The following PYGL variants were observed in gnomAD, a reference collection of about 807,000 sequenced individuals.
The protein encoded by PYGL is glycogen phosphorylase L.
A neutral mutation model predicts 100.1 loss-of-function variants in PYGL; 90 were observed. The observed-to-expected ratio is 0.90, with a 90% CI of 0.76 to 1.07. The LOEUF is 1.07. PYGL is among the 50% of genes least tolerant of loss of function. The pLI is 0.00. For synonymous variants in PYGL, 373 were observed against 393.0 expected (o/e 0.95, Z 0.60); for missense variants, 1,016 against 1,057.6 (o/e 0.96, Z 0.55).
chr14:50,925,348 G>A (rs760649823), intron 4 of PYGL, among the ~76,000 whole-genome samples: 1 of 152,288 alleles, frequency 6.6e-6, no homozygotes. Flanking sequence ...GTCATTATGT[G>A]GTGCATGACT....
intron 7 of PYGL, among the ~76,000 whole-genome samples, chr14:50,918,395 A>G (rs2050472647): frequency 6.6e-6 from 1 of 152,248 alleles, no homozygotes; most frequent in Admixed American, 6.5e-5. Flanking sequence ...ACACGTTTAT[A>G]GCAGCACAAT....
At chr14:50,935,360 T>C (rs2050645668) in intron 2 of PYGL, among the ~76,000 whole-genome samples, 175 bp from the exon 3 acceptor site, 1 of 152,178 alleles carries the variant, frequency 6.6e-6, no homozygotes, top group Non-Finnish European at 1.5e-5. Context: ...AGGCAAACTG[T>C]ATGAGATGGT....
At chr14:50,935,596 G>C (rs1030388831) in intron 2 of PYGL, among the ~76,000 whole-genome samples, 3 of 152,080 alleles carry the variant, frequency 2.0e-5, no homozygotes, top group African/African-American at 7.2e-5. Context: ...ATAAATGTTA[G>C]CTATTATCAT....
At chr14:50,917,242 A>G (rs1434381544) in intron 7 of PYGL, 137 bp from the exon 8 acceptor site, 10 of 954,754 alleles carry the variant, frequency 1.0e-5, no homozygotes, top group Non-Finnish European at 1.7e-5. Flanking sequence ...TGAATGCCAA[A>G]CTGTGAGCCT....
chr14:50,909,802 G>T, intron 17 of PYGL, 93 bp downstream of exon 17: 1 of 1,387,822 alleles, frequency 7.2e-7, no homozygotes, highest in Non-Finnish European at 1.0e-6. Flanking sequence ...CAATTTCAGT[G>T]GGATATCGGT....
At chr14:50,934,904 CTT>C (rs2050639700) in intron 3 of PYGL, among the ~76,000 whole-genome samples, 1 of 152,148 alleles carries the variant, frequency 6.6e-6, no homozygotes, top group Non-Finnish European at 1.5e-5. Flanking sequence ...AGCAGTGTCT[CTT>C]TTGTTCAAGT....
chr14:50,917,701 C>G (rs1049783330), intron 7 of PYGL, among the ~76,000 whole-genome samples: 8 of 152,222 alleles, frequency 5.3e-5, no homozygotes, highest in Admixed American at 4.6e-4. Context: ...CCCTACATGA[C>G]TGCGAGACAG....
chr14:50,916,713 T>C lies in PYGL; in HGVS notation c.1021A>G (p.Thr341Ala). 1 of 1,613,978 alleles carries C rather than the reference T, an allele frequency of 6.2e-7. No homozygotes were observed. Among genetic ancestry groups the C allele is most frequent in the Admixed American group, 1.7e-5 (1 of 60,012 alleles). Residue 341 changes from threonine (T) to alanine (A), a missense_variant, in exon 9 of 20, where the codon ACT (threonine) becomes GCT (alanine). Thr to Ala is a moderately conservative substitution (Grantham distance 58). Transcript: ENST00000216392. ...PDQVAIQLND[T>A]HPALAIPELM... is the part of the protein sequence containing the mutation. ...TCAGGGATCGCGAGTGCAGGGTGAG[T>C]GTCATTCAGCTGGATGGCCACCTGG...
Position 50,910,041 on chromosome 14 carries a change from T to C in PYGL, c.2031A>G (p.Thr677=). 1 of 1,614,242 alleles carries C rather than the reference T, an allele frequency of 6.2e-7. No homozygotes were observed. The highest frequency in any genetic ancestry group is 8.5e-7 in the Non-Finnish European group (1 of 1,180,022). Residue 677 remains threonine, a synonymous_variant, in exon 17 of 20, where the codon ACA becomes ACG. Coordinates refer to ENST00000216392, the MANE Select transcript of PYGL (RefSeq NM_002863.5). ...ISTAGTEASG[T]GNMKFMLNGA... is the part of the protein sequence containing the mutation. The stretch of plus-strand genomic sequence containing the variant: ...CATTTAGCATGAACTTCATATTGCC[T>C]GTCCCCGAGGCTTCGGTGCCTGCAG...
chr14:50,926,295 G>T (rs1227922764), intron 4 of PYGL, among the ~76,000 whole-genome samples: 1 of 152,030 alleles, frequency 6.6e-6, no homozygotes, highest in Non-Finnish European at 1.5e-5. Context: ...GGGCTACAGT[G>T]AGCTGTGATC....
At chr14:50,916,910 C>A (rs746275125) in intron 8 of PYGL, 52 bp downstream of exon 8, 29 of 1,594,300 alleles carry the variant, frequency 1.8e-5, no homozygotes, top group Non-Finnish European at 2.5e-5. Flanking sequence ...GATAGGAAAT[C>A]CCAGTCAATC....
At chr14:50,915,181 T>C (rs567503528) in intron 11 of PYGL, 155 bp downstream of exon 11, 3 of 977,864 alleles carry the variant, frequency 3.1e-6, no homozygotes, top group East Asian at 4.8e-5. Context: ...TTCTTTTCTT[T>C]TTTTTTTTTA....
At chr14:50,911,626 T>C in intron 16 of PYGL, 104 bp downstream of exon 16, 1 of 1,444,264 alleles carries the variant, frequency 6.9e-7, no homozygotes, top group South Asian at 1.2e-5. Flanking sequence ...TGACACCTTC[T>C]ATCCTAAGTT....
intron 9 of PYGL, among the ~76,000 whole-genome samples, 186 bp downstream of exon 9, chr14:50,916,456 T>C (rs2142797880): frequency 6.6e-6 from 1 of 152,358 alleles, no homozygotes; most frequent in African/African-American, 2.4e-5. Context: ...GCTCATTTAT[T>C]TTATAGTCTT....
intron 1 of PYGL, among the ~76,000 whole-genome samples, chr14:50,942,331 G>A (rs925420520): frequency 2.9e-5 from 4 of 140,026 alleles, no homozygotes; most frequent in Non-Finnish European, 4.7e-5. Flanking sequence ...AAACCATAAA[G>A]CACTGCATAA....
chr14:50,920,940 C>G lies in PYGL; in HGVS notation c.772+16G>C. On this transcript the variant is annotated intron_variant, in intron 6 of 19. Transcript: ENST00000216392. Reference sequence around the variant, plus strand: ...AAGCACACGCATAAAGAAACCAAGGCCTGTGCTGTACTCACAGTCTCTGAG... The same window carrying G: ...AAGCACACGCATAAAGAAACCAAGGGCTGTGCTGTACTCACAGTCTCTGAG... 1.9e-6 allele frequency: 3 copies of G among 1,593,950 alleles called. No homozygotes were observed. The highest frequency in any genetic ancestry group is 2.6e-6 in the Non-Finnish European group (3 of 1,161,766).
At chr14:50,935,258 C>T (rs2139194967) in intron 2 of PYGL, 73 bp from the exon 3 acceptor site, 4 of 1,206,808 alleles carry the variant, frequency 3.3e-6, no homozygotes, top group Non-Finnish European at 3.7e-6. Context: ...CCATTTCCTA[C>T]AGCTCTGGGT....
At position 50,905,259 on chromosome 14, in the gene PYGL, T is replaced by C; in HGVS notation, c.*133A>G. The C allele has an allele frequency of 3.2e-6, 3 of 940,802 alleles. No homozygotes were observed. Among genetic ancestry groups the C allele is most frequent in the Non-Finnish European group, 4.9e-6 (3 of 610,492 alleles). The allele number at this position is 940,802 out of a possible 1,614,324, so 58.3% of individuals were successfully genotyped here. A position where few individuals can be genotyped will look rare whatever the true frequency, so the allele number is the denominator to read the frequency against. On this transcript the variant is annotated 3_prime_UTR_variant, in exon 20 of 20. Coordinates refer to ENST00000216392, the MANE Select transcript of PYGL (RefSeq NM_002863.5). ...CACTTTATTTTTAAGCTCTATTACA[T>C]ATAATTTCCCTCCCCATTCCCAGAG...
At position 50,915,424 on chromosome 14, in the gene PYGL, T is replaced by A; in HGVS notation, c.1315A>T (p.Arg439Trp). Residue 439 changes from arginine (R) to tryptophan (W), a missense_variant, in exon 11 of 20, where the codon AGG (arginine) becomes TGG (tryptophan). Transcript: ENST00000216392. ...MSLIEEEGSKRINMAHLCIVG... is the reference protein window; with the variant it reads ...MSLIEEEGSKWINMAHLCIVG... ...ATGCAGAGATGGGCCATGTTGATCC[T>A]TTTGCTTCCTTCCTCTTCTATCAGA... is the stretch of plus-strand genomic sequence containing the variant. The A allele has an allele frequency of 6.2e-7, 1 of 1,614,186 alleles. No individual in the cohort carries two copies. The highest frequency in any genetic ancestry group is 8.5e-7 in the Non-Finnish European group (1 of 1,180,006).
Sources: allele counts gnomAD v4.1 joint callset (sites outside exome capture counted in the v4.1 genomes callset), GRCh38; gene constraint gnomAD v4.1.1; transcripts MANE v1.5; gene names NCBI Gene and HGNC (gene_info 2026-07-23, HGNC 2026-07-21).